The following LAMC3 variants were observed in gnomAD, a reference collection of about 807,000 sequenced individuals.
The protein encoded by LAMC3 is laminin subunit gamma-3.
A neutral mutation model predicts 173.8 loss-of-function variants in LAMC3; 128 were observed. The observed-to-expected ratio is 0.74, with a 90% confidence interval of 0.64 to 0.85. The LOEUF is 0.85. LAMC3 is among the 40% of genes least tolerant of loss of function. LAMC3 has a pLI of 0.00. For missense variants in LAMC3, 2,022 were observed against 2,156.0 expected (o/e 0.94, Z 1.23); for synonymous variants, 897 against 909.1 (o/e 0.99, Z 0.24).
chr9:131,077,289 A>G lies in LAMC3; in HGVS notation c.3732A>G (p.Ala1244=). The stretch of plus-strand genomic sequence containing the variant: ...TGGCCACCGTGCAGCAAGTTGGCGC[A>G]GATACAGCCCCGTACCTGGCCTTGC... ...SVLATVQQVG[A]DTAPYLALLA... Residue 1244 remains alanine, a synonymous_variant, in exon 22 of 28, where the codon GCA becomes GCG. Transcript: ENST00000361069. The G allele has an allele frequency of 6.2e-7, 1 of 1,614,090 alleles. No individual in the cohort carries two copies. Among genetic ancestry groups the G allele is most frequent in the Non-Finnish European group, 8.5e-7 (1 of 1,180,032 alleles).
At chr9:131,076,730 G>A (rs558503334) in intron 21 of LAMC3, among the ~76,000 whole-genome samples, 1 of 152,186 alleles carries the variant, frequency 6.6e-6, no homozygotes, top group South Asian at 2.1e-4. Flanking sequence ...GGGCAAAAGG[G>A]CCCACAGGGA....
At chr9:131,038,146 T>C (rs1188355247) in intron 4 of LAMC3, among the ~76,000 whole-genome samples, 1 of 152,236 alleles carries the variant, frequency 6.6e-6, no homozygotes, top group African/African-American at 2.4e-5. Flanking sequence ...CTGCTCAGCC[T>C]TCAGATTCAG....
chr9:131,036,674 G>C (rs1454980397), intron 4 of LAMC3, among the ~76,000 whole-genome samples: 1 of 152,164 alleles, frequency 6.6e-6, no homozygotes, highest in Non-Finnish European at 1.5e-5. Flanking sequence ...AACAAGCAAG[G>C]GGGTGCTGAT....
intron 25 of LAMC3, among the ~76,000 whole-genome samples, chr9:131,086,889 G>GA (rs199984134): frequency 0.17 from 23,308 of 138,164 alleles, 2,001 homozygotes; most frequent in South Asian, 0.25. Context: ...ACTCTGCCTC[G>GA]AAAAAAAAAA....
chr9:131,057,108 T>G lies in LAMC3; in HGVS notation c.2119T>G (p.Cys707Gly). The change falls in exon 12 of 28, where the codon TGC becomes GGC. Residue 707 changes from cysteine to glycine, a missense_variant. Coordinates refer to ENST00000361069, the MANE Select transcript of LAMC3 (RefSeq NM_006059.4). Reference protein sequence around the residue: ...QGGPYASCVPCTCNQHGTCDP... With the variant: ...QGGPYASCVPGTCNQHGTCDP... ...GGGTCCCTATGCCAGCTGTGTCCCC[T>G]GCACCTGTAACCAGCATGGCACCTG... The G allele has an allele frequency of 1.2e-6, 2 of 1,614,170 alleles. No homozygotes were observed. Among genetic ancestry groups the G allele is most frequent in the Non-Finnish European group, 1.7e-6 (2 of 1,180,046 alleles).
chr9:131,079,472 A>C (rs1325798963), intron 23 of LAMC3, among the ~76,000 whole-genome samples, 174 bp downstream of exon 23: 1 of 152,134 alleles, frequency 6.6e-6, no homozygotes, highest in Non-Finnish European at 1.5e-5. Context: ...AGACGGGTGG[A>C]TCACGAGGTC....
rs905709723 is a variant in LAMC3 at position 131,092,843 on chromosome 9, G to C, written c.*1056G>C. 4.6e-5 allele frequency: 7 copies of C among 152,356 alleles called. No homozygotes were observed. Among genetic ancestry groups the C allele is most frequent in the African/African-American group, 1.7e-4 (7 of 41,470 alleles). 9.4% of individuals were successfully genotyped at this position (152,356 alleles called of 1,614,324 possible). On this transcript the variant is annotated 3_prime_UTR_variant, in exon 28 of 28. Transcript: ENST00000361069. Reference sequence around the variant, plus strand: ...TGGGAATCGCCCTGTGGCCAGGCCCGCATGCTGGCCTCTGCCCAGGACTCC... The same window carrying C: ...TGGGAATCGCCCTGTGGCCAGGCCCCCATGCTGGCCTCTGCCCAGGACTCC...
chr9:131,083,421 A>C (rs1830276476), intron 24 of LAMC3, among the ~76,000 whole-genome samples: 1 of 152,132 alleles, frequency 6.6e-6, no homozygotes, highest in African/African-American at 2.4e-5. Flanking sequence ...GGCTGTGCTC[A>C]GTTGGTGTTC....
At position 131,019,666 on chromosome 9, in the gene LAMC3, C is replaced by T. The variant is rs79914290; in HGVS notation, c.374-6619C>T. 1.8e-4 allele frequency among the ~76,000 whole-genome samples: 28 copies of T among 152,312 alleles called. No individual in the cohort carries two copies. The East Asian group carries it at 4.6e-3, about 25-fold the overall frequency. ...TCATTTACTAGTGAGGAGTCAGGCTCAGGGAGCAGAAGGACTTCCTCAGTG... is the reference window on the plus strand; with the variant it reads ...TCATTTACTAGTGAGGAGTCAGGCTTAGGGAGCAGAAGGACTTCCTCAGTG... On this transcript the variant is annotated intron_variant, in intron 1 of 27. Coordinates refer to ENST00000361069, the MANE Select transcript of LAMC3 (RefSeq NM_006059.4).
Position 131,075,879 on chromosome 9 carries a change from G to A in LAMC3, c.3543G>A (p.Leu1181=), listed in dbSNP as rs1216583099. The change falls in exon 21 of 28, where the codon CTG becomes CTA. Residue 1181 remains leucine, a synonymous_variant. Coordinates refer to ENST00000361069, the MANE Select transcript of LAMC3 (RefSeq NM_006059.4). ...TCGCAGCCACTGCTTGGAGGGCCCT[G>A]CTCGCCTCCAACACCAGCTACGCGC... The part of the protein sequence containing the change: ...TKIAATAWRA[L]LASNTSYALL... 1 of 1,612,344 alleles carries A rather than the reference G, an allele frequency of 6.2e-7. No homozygotes were observed. The highest frequency in any genetic ancestry group is 1.1e-5 in the South Asian group (1 of 90,870).
intron 8 of LAMC3, among the ~76,000 whole-genome samples, chr9:131,048,150 G>A (rs143181918): frequency 5.0e-4 from 71 of 141,498 alleles, no homozygotes; most frequent in East Asian, 1.3e-3. Context: ...TCCGCCTCTC[G>A]GGTTCAGGCG....
intron 9 of LAMC3, among the ~76,000 whole-genome samples, chr9:131,050,426 T>C (rs11793535): frequency 0.11 from 17,372 of 152,212 alleles, 1,189 homozygotes; most frequent in African/African-American, 0.18. Context: ...TTCTGTATTC[T>C]GCCTACGAGC....
At chr9:131,024,180 C>G (rs1334164894) in intron 1 of LAMC3, among the ~76,000 whole-genome samples, 3 of 139,810 alleles carry the variant, frequency 2.1e-5, no homozygotes, top group African/African-American at 8.4e-5. Flanking sequence ...CAGTCTTGCT[C>G]TGTCACCCAG....
At position 131,090,184 on chromosome 9, in the gene LAMC3, G is replaced by A. The variant is rs1041037294; in HGVS notation, c.4478-1353G>A. On this transcript the variant is annotated intron_variant, in intron 27 of 27. Coordinates refer to ENST00000361069, the MANE Select transcript of LAMC3 (RefSeq NM_006059.4). ...CACCTGCGGGTCCAAGTGACTCAGC[G>A]TGCGTGCAGGTAGCCACTAGTCGAC... is the stretch of plus-strand genomic sequence containing the variant. Among the ~76,000 whole-genome samples the A allele has an allele frequency of 6.2e-4, 95 of 152,176 alleles. 1 individual carries two copies. Among genetic ancestry groups the A allele is most frequent in the Admixed American group, 2.9e-3 (45 of 15,270 alleles).
chr9:131,092,388 G>A lies in LAMC3; in HGVS notation c.*601G>A, dbSNP rs748101. On this transcript the variant is annotated 3_prime_UTR_variant, in exon 28 of 28. Transcript: ENST00000361069. ...TTGCTGCGTGCACTCCCTACAGCTC[G>A]ACACAGCCAGGGGACCAACAGGCCA... 0.22 allele frequency: 33,177 copies of A among 154,248 alleles called. 4,059 individuals are homozygous for A. Among genetic ancestry groups the A allele is most frequent in the Admixed American group, 0.28 (4,348 of 15,802 alleles). 9.6% of individuals were successfully genotyped at this position (154,248 alleles called of 1,614,324 possible). A position where few individuals can be genotyped will look rare whatever the true frequency, so the allele number is the denominator to read the frequency against.
At chr9:131,083,018 TC>T in intron 24 of LAMC3, among the ~76,000 whole-genome samples, 1 of 152,242 alleles carries the variant, frequency 6.6e-6, no homozygotes, top group East Asian at 1.9e-4. Flanking sequence ...TTTGGGGACT[TC>T]CTGTCGGAAA....
chr9:131,030,208 G>A (rs1214142929), intron 2 of LAMC3, among the ~76,000 whole-genome samples: 5 of 152,160 alleles, frequency 3.3e-5, no homozygotes, highest in African/African-American at 1.2e-4. Flanking sequence ...CCAAAGTGCT[G>A]GCATTACAAG....
intron 2 of LAMC3, among the ~76,000 whole-genome samples, chr9:131,028,250 G>A (rs1033582209): frequency 2.0e-5 from 3 of 152,090 alleles, no homozygotes; most frequent in South Asian, 2.1e-4. Flanking sequence ...CCAAACCACC[G>A]CCTACCCCGT....
chr9:131,073,350 C>T, intron 20 of LAMC3, 29 bp downstream of exon 20: 4 of 1,557,162 alleles, frequency 2.6e-6, no homozygotes, highest in Non-Finnish European at 3.5e-6. Context: ...TGAGCTTACA[C>T]CTGGCCCTTC....
Sources: allele counts gnomAD v4.1 joint callset (sites outside exome capture counted in the v4.1 genomes callset), GRCh38; gene constraint gnomAD v4.1.1; transcripts MANE v1.5; gene names NCBI Gene and HGNC (gene_info 2026-07-23, HGNC 2026-07-21).